The following SPIDR variants were observed in gnomAD, a reference collection of about 807,000 sequenced individuals.
SPIDR encodes scaffold protein involved in DNA repair, also known as DNA repair-scaffolding protein.
A neutral mutation model predicts 104.6 loss-of-function variants in SPIDR; 93 were observed. The observed-to-expected ratio is 0.89, with a 90% CI of 0.75 to 1.06. The LOEUF is 1.06. Ranked by LOEUF, SPIDR falls within the 50% of genes least tolerant of loss-of-function variation. SPIDR has a pLI of 0.00. For missense variants in SPIDR, 1,154 were observed against 1,111.2 expected, an observed-to-expected ratio of 1.04 and a Z score of -0.55; for synonymous variants, 431 against 416.9, an observed-to-expected ratio of 1.03 and a Z score of -0.41.
intron 8 of SPIDR, chr8:47,511,321 T>C (rs2082287828): frequency 7.9e-7 from 1 of 1,267,622 alleles, no homozygotes; most frequent in African/African-American, 1.5e-5. Flanking sequence ...TTCTGCCAGT[T>C]GGACTGGAGA....
At chr8:47,569,386 T>C (rs1031696453) in intron 8 of SPIDR, among the ~76,000 whole-genome samples, 4 of 152,202 alleles carry the variant, frequency 2.6e-5, no homozygotes, top group Non-Finnish European at 5.9e-5. Flanking sequence ...GTAGGAAATA[T>C]TGGACTTGAA....
chr8:47,437,064 G>A (rs1387273222), intron 7 of SPIDR, among the ~76,000 whole-genome samples: 1 of 152,088 alleles, frequency 6.6e-6, no homozygotes, highest in Non-Finnish European at 1.5e-5. Context: ...AAAATTCATA[G>A]TTACTGGAAT....
chr8:47,263,521 G>A (rs1025472760), intron 1 of SPIDR, among the ~76,000 whole-genome samples: 4 of 152,060 alleles, frequency 2.6e-5, no homozygotes, highest in African/African-American at 7.2e-5. Flanking sequence ...GGGTTTCACC[G>A]TGTTAGCCAG....
chr8:47,323,077 G>A (rs1445488311), intron 5 of SPIDR, among the ~76,000 whole-genome samples: 3 of 149,890 alleles, frequency 2.0e-5, no homozygotes, highest in African/African-American at 4.9e-5. Flanking sequence ...ACCCGAAAAC[G>A]TAAAGTATAA....
At chr8:47,634,564 T>C (rs1238938590) in intron 10 of SPIDR, among the ~76,000 whole-genome samples, 1 of 152,198 alleles carries the variant, frequency 6.6e-6, no homozygotes, top group Admixed American at 6.5e-5. Flanking sequence ...CTCCACTCTA[T>C]AGAGACCCTG....
At chr8:47,396,741 T>G (rs1184422842) in intron 6 of SPIDR, 115 bp downstream of exon 6, 1 of 1,094,812 alleles carries the variant, frequency 9.1e-7, no homozygotes, top group Non-Finnish European at 1.3e-6. Flanking sequence ...ATTCTGGAGC[T>G]GATTAATGGA....
intron 8 of SPIDR, among the ~76,000 whole-genome samples, chr8:47,473,164 A>G (rs1318408688): frequency 6.6e-6 from 1 of 152,212 alleles, no homozygotes; most frequent in Non-Finnish European, 1.5e-5. Context: ...AAAATATTTT[A>G]TAATTTAATA....
At chr8:47,444,141 T>A (rs781820059) in intron 8 of SPIDR, among the ~76,000 whole-genome samples, 21 of 152,234 alleles carry the variant, frequency 1.4e-4, no homozygotes, top group Admixed American at 5.2e-4. Context: ...CAGCTTTTAC[T>A]ACTCAAGCAA....
At chr8:47,410,453 T>G (rs1014140952) in intron 7 of SPIDR, among the ~76,000 whole-genome samples, 1 of 152,124 alleles carries the variant, frequency 6.6e-6, no homozygotes, top group African/African-American at 2.4e-5. Context: ...AGTGCTGGGA[T>G]TACAGGTGTG....
At chr8:47,521,388 A>G (rs1028819567) in intron 8 of SPIDR, among the ~76,000 whole-genome samples, 1 of 152,038 alleles carries the variant, frequency 6.6e-6, no homozygotes, top group Non-Finnish European at 1.5e-5. Context: ...TACAGAACCT[A>G]CATGGAAGAT....
chr8:47,446,860 C>T (rs1439361272), intron 8 of SPIDR, among the ~76,000 whole-genome samples: 3 of 152,198 alleles, frequency 2.0e-5, no homozygotes, highest in Non-Finnish European at 4.4e-5. Context: ...GCTGGGATTA[C>T]AGGTGTGAAC....
At chr8:47,465,490 T>C (rs1265704925) in intron 8 of SPIDR, among the ~76,000 whole-genome samples, 1 of 152,134 alleles carries the variant, frequency 6.6e-6, no homozygotes, top group African/African-American at 2.4e-5. Flanking sequence ...CCCAGCACTT[T>C]GGGAGGTCAA....
At chr8:47,346,092 C>T (rs547536852) in intron 5 of SPIDR, among the ~76,000 whole-genome samples, 114 of 152,244 alleles carry the variant, frequency 7.5e-4, no homozygotes, top group South Asian at 3.7e-3. Flanking sequence ...ATGACATTGG[C>T]TGTGGGTTTG....
intron 8 of SPIDR, among the ~76,000 whole-genome samples, chr8:47,481,243 A>G (rs2076867310): frequency 6.6e-6 from 1 of 152,204 alleles, no homozygotes; most frequent in African/African-American, 2.4e-5. Context: ...TAGGTTTTGT[A>G]TTGTATGAGA....
rs570265157 is a variant in SPIDR at position 47,657,794 on chromosome 8, C to G, written c.1545-16007C>G. Among the ~76,000 whole-genome samples, 7 of 151,952 alleles carry G rather than the reference C, an allele frequency of 4.6e-5. 1 individual carries two copies. The South Asian group carries it at 1.5e-3, about 32-fold the overall frequency. ...CCTCCAATCCCAGCACTTTGGGAAG[C>G]CAAAGCAGGAAGATCCCTTGAGCCC... On this transcript the variant is annotated intron_variant, in intron 10 of 19. Transcript: ENST00000297423.
intron 10 of SPIDR, chr8:47,653,941 A>AT: frequency 8.3e-7 from 1 of 1,207,482 alleles, no homozygotes; most frequent in Non-Finnish European, 1.1e-6. Context: ...AGAAGTCTTC[A>AT]TATAAGACAT....
At chr8:47,638,867 T>C (rs1282875410) in intron 10 of SPIDR, among the ~76,000 whole-genome samples, 1 of 152,202 alleles carries the variant, frequency 6.6e-6, no homozygotes. Flanking sequence ...TCACATACTC[T>C]AAATCATTTC....
At chr8:47,299,653 A>C (rs1450136676) in intron 5 of SPIDR, among the ~76,000 whole-genome samples, 1 of 152,198 alleles carries the variant, frequency 6.6e-6, no homozygotes, top group Non-Finnish European at 1.5e-5. Flanking sequence ...GAGAGTTTTT[A>C]GCATGAAGGG....
chr8:47,315,628 A>T (rs782143368), intron 5 of SPIDR, among the ~76,000 whole-genome samples: 1 of 152,168 alleles, frequency 6.6e-6, no homozygotes, highest in Non-Finnish European at 1.5e-5. Flanking sequence ...AAATTTCCTT[A>T]TTTCAAGATT....
Sources: allele counts gnomAD v4.1 joint callset (sites outside exome capture counted in the v4.1 genomes callset), GRCh38; gene constraint gnomAD v4.1.1; transcripts MANE v1.5; gene names NCBI Gene and HGNC (gene_info 2026-07-23, HGNC 2026-07-21).